Variants in MRPS15 observed in about 807,000 individuals in gnomAD.
MRPS15 encodes mitochondrial ribosomal protein S15.
In MRPS15, 25 loss-of-function variants were observed where a neutral mutation model predicts 30.7. That is an observed-to-expected ratio of 0.81 (90% CI 0.59 to 1.14). The LOEUF is 1.14. Among genes scored for constraint, MRPS15 ranks in the 50% most tolerant of loss-of-function variants. The probability of loss-of-function intolerance (pLI) is 0.00; values close to 1 mark genes in which losing one functional copy is unlikely to be tolerated. For synonymous variants in MRPS15, 124 were observed against 120.1 expected, an observed-to-expected ratio of 1.03 and a Z score of -0.21; for missense variants, 313 against 321.7, an observed-to-expected ratio of 0.97 and a Z score of 0.21.
intron 1 of MRPS15, 79 bp downstream of exon 1, chr1:36,464,067 T>A: frequency 6.4e-7 from 1 of 1,573,440 alleles, no homozygotes; most frequent in South Asian, 1.2e-5. Context: ...ATATCTCCCC[T>A]ACTCCTGTGC....
intron 2 of MRPS15, among the ~76,000 whole-genome samples, chr1:36,462,960 ATTTC>A (rs753949666): frequency 1.5e-4 from 23 of 148,696 alleles, no homozygotes; most frequent in African/African-American, 5.2e-4. Context: ...CCAGCCAATA[ATTTC>A]TTTCTTTTTT....
intron 3 of MRPS15, 58 bp from the exon 4 acceptor site, chr1:36,461,370 C>T: frequency 1.3e-6 from 2 of 1,498,212 alleles, no homozygotes; most frequent in Admixed American, 1.7e-5. Context: ...GAAAGCAATG[C>T]TGGTTTCATT....
intron 3 of MRPS15, among the ~76,000 whole-genome samples, 175 bp from the exon 4 acceptor site, chr1:36,461,487 T>C (rs998598362): frequency 6.6e-6 from 1 of 152,198 alleles, no homozygotes; most frequent in African/African-American, 2.4e-5. Flanking sequence ...TGGATCTGGC[T>C]TGCTGGGCTG....
chr1:36,463,840 G>C lies in MRPS15; in HGVS notation c.141C>G (p.Leu47=). The change falls in exon 2 of 8, where the codon CTC becomes CTG. Residue 47 remains leucine, a synonymous_variant. Coordinates refer to ENST00000373116, the MANE Select transcript of MRPS15 (RefSeq NM_031280.4). ...GGACGACATATCCGCGCGCGGCCTG[G>C]AGGAGGAGACCTACGCAGAAAAGAG... The part of the protein sequence containing the change: ...QWGLQPRSLL[L]QAARGYVVRK... 2 of 1,612,618 alleles carry C rather than the reference G, an allele frequency of 1.2e-6. No homozygotes were observed. The highest frequency in any genetic ancestry group is 1.3e-5 in the African/African-American group (1 of 74,874).
intron 4 of MRPS15, 90 bp from the exon 5 acceptor site, chr1:36,460,866 T>C (rs898007843): frequency 2.2e-5 from 24 of 1,070,024 alleles, no homozygotes; most frequent in Middle Eastern, 2.0e-4. Context: ...GCTACAGTTA[T>C]AGCAACTAGG....
At position 36,455,742 on chromosome 1, in the gene MRPS15, T is replaced by A; in HGVS notation, c.*46A>T. ...CTTCAGGCCAAAAAGAGCCCCATCA[T>A]CTCTCCTATCATTCTTCAAGACAGA... On this transcript the variant is annotated 3_prime_UTR_variant, in exon 8 of 8. Coordinates refer to ENST00000373116, the MANE Select transcript of MRPS15 (RefSeq NM_031280.4). 6.3e-7 allele frequency: 1 copy of A among 1,597,000 alleles called. No homozygotes were observed. Among genetic ancestry groups the A allele is most frequent in the Non-Finnish European group, 8.5e-7 (1 of 1,173,064 alleles).
intron 4 of MRPS15, 42 bp downstream of exon 4, chr1:36,461,222 G>A (rs1211740969): frequency 6.2e-7 from 1 of 1,604,344 alleles, no homozygotes; most frequent in Non-Finnish European, 8.5e-7. Flanking sequence ...AGTCCCAGAG[G>A]AGAAGACTGC....
In MRPS15 at chr1:36,455,819, G is replaced by C; in HGVS notation, c.743C>G (p.Ala248Gly). ...KRRNPDSPAK[A>G]IPKTLKDSQ Reference sequence around the variant, plus strand: ...GCTGTCTTTGAGTGTCTTTGGTATGGCTTTGGCAGGGCTGTCTGGGTTCCT... The same window carrying C: ...GCTGTCTTTGAGTGTCTTTGGTATGCCTTTGGCAGGGCTGTCTGGGTTCCT... The change falls in exon 8 of 8, where the codon GCC (alanine) becomes GGC (glycine). Residue 248 changes from alanine to glycine, a missense_variant. Coordinates refer to ENST00000373116, the MANE Select transcript of MRPS15 (RefSeq NM_031280.4). The C allele has an allele frequency of 6.2e-7, 1 of 1,614,142 alleles. No homozygotes were observed.
intron 2 of MRPS15, among the ~76,000 whole-genome samples, chr1:36,463,516 C>T (rs1650138861): frequency 6.6e-6 from 1 of 152,212 alleles, no homozygotes; most frequent in Non-Finnish European, 1.5e-5. Flanking sequence ...AGCGCAGACA[C>T]AAAGTGCCAT....
chr1:36,459,307 T>C (rs1307488741), intron 5 of MRPS15: 3 of 151,090 alleles, frequency 2.0e-5, no homozygotes, highest in Admixed American at 6.6e-5. Flanking sequence ...GGTAGGAGAA[T>C]TGCTGGAGCC....
At chr1:36,461,396 A>G in intron 3 of MRPS15, 84 bp from the exon 4 acceptor site, 2 of 1,302,528 alleles carry the variant, frequency 1.5e-6, no homozygotes, top group African/African-American at 2.9e-5. Flanking sequence ...TTGAAAAGCA[A>G]AGATGATTGA....
Position 36,456,359 on chromosome 1 carries a change from T to G in MRPS15, c.464A>C (p.Tyr155Ser), listed in dbSNP as rs372913217. ...KHRKDKAHKR[Y>S]LLMSIDQRKK... ...CCTCTGGTCAATGCTCATTAGCAGA[T>G]AGCGTTTGTGGGCTTTGTCCTGCAA... Residue 155 changes from tyrosine to serine, a missense_variant, in exon 7 of 8, where the codon TAT becomes TCT. Tyr to Ser is a moderately radical substitution (Grantham distance 144). Coordinates refer to ENST00000373116, the MANE Select transcript of MRPS15 (RefSeq NM_031280.4). 5 of 1,610,780 alleles carry G rather than the reference T, an allele frequency of 3.1e-6. No individual in the cohort carries two copies. Among genetic ancestry groups the G allele is most frequent in the South Asian group, 1.1e-5 (1 of 90,810 alleles).
Position 36,455,896 on chromosome 1 carries a change from C to T in MRPS15, c.666G>A (p.Lys222=), listed in dbSNP as rs1446002117. 3 of 1,613,820 alleles carry T rather than the reference C, an allele frequency of 1.9e-6. No homozygotes were observed. Among genetic ancestry groups the T allele is most frequent in the Non-Finnish European group, 2.5e-6 (3 of 1,179,974 alleles). The part of the protein sequence containing the change: ...RVFQETQKLK[K]RRRALKAAAA... Reference sequence around the variant, plus strand: ...CTGCAGCCTTTAAGGCTCTTCTTCGCTTCTTCAGCTTTTGAGTCTCCTGGA... The same window carrying T: ...CTGCAGCCTTTAAGGCTCTTCTTCGTTTCTTCAGCTTTTGAGTCTCCTGGA... Residue 222 remains lysine (K), a synonymous_variant, in exon 8 of 8, where the codon AAG becomes AAA. Coordinates refer to ENST00000373116, the MANE Select transcript of MRPS15 (RefSeq NM_031280.4).
chr1:36,456,273 C>A lies in MRPS15; in HGVS notation c.550G>T (p.Gly184Trp). 6.2e-7 allele frequency: 1 copy of A among 1,614,158 alleles called. No homozygotes were observed. The highest frequency in any genetic ancestry group is 8.5e-7 in the Non-Finnish European group (1 of 1,180,018). Residue 184 changes from glycine to tryptophan, a missense_variant, in exon 7 of 8, where the codon GGG becomes TGG. By Grantham distance (184) the Gly-to-Trp change is radical. Coordinates refer to ENST00000373116, the MANE Select transcript of MRPS15 (RefSeq NM_031280.4). ...GGGAAGGTGTACTCAATTCCCAGCC[C>A]CCAGCATATCTTCTCAAAGACATCA... ...NYDVFEKICW[G>W]LGIEYTFPPL...
intron 5 of MRPS15, 105 bp downstream of exon 5, chr1:36,460,587 C>T: frequency 1.1e-6 from 1 of 871,880 alleles, no homozygotes; most frequent in Non-Finnish European, 1.9e-6. Flanking sequence ...TCATGTCTCT[C>T]CCTTTCCCCA....
Position 36,460,141 on chromosome 1 carries a change from A to G in MRPS15, c.385+551T>C, listed in dbSNP as rs181076646. 8.7e-4 allele frequency among the ~76,000 whole-genome samples: 132 copies of G among 152,222 alleles called. 1 individual carries two copies. Among genetic ancestry groups the G allele is most frequent in the African/African-American group, 3.1e-3 (128 of 41,538 alleles). On this transcript the variant is annotated intron_variant, in intron 5 of 7. Transcript: ENST00000373116. The stretch of plus-strand genomic sequence containing the variant: ...TTCTCCTGCCTCAGCCCCAGTAGCT[A>G]GGACTACAGGCGCCCGCCACCATGC...
chr1:36,460,857 C>A, intron 4 of MRPS15, 81 bp from the exon 5 acceptor site: 1 of 1,193,934 alleles, frequency 8.4e-7, no homozygotes. Flanking sequence ...AGGGCCCTGG[C>A]TACAGTTATA....
Position 36,456,267 on chromosome 1 carries a change from C to A in MRPS15, c.556G>T (p.Gly186Ter), listed in dbSNP as rs200752024. 2.5e-6 allele frequency: 4 copies of A among 1,614,054 alleles called. No homozygotes were observed. The highest frequency in any genetic ancestry group is 3.3e-5 in the Admixed American group (2 of 59,988). The change falls in exon 7 of 8, where the codon GGA (glycine) becomes TGA (stop). Residue 186 changes from glycine to a stop codon, truncating the protein, a stop_gained. Transcript: ENST00000373116. LOFTEE classifies it high-confidence loss of function. ...AGAGGGGGGAAGGTGTACTCAATTC[C>A]CAGCCCCCAGCATATCTTCTCAAAG... ...DVFEKICWGL[G>*]IEYTFPPLYY...
rs749138945 is a variant in MRPS15 at position 36,456,272 on chromosome 1, C to T, written c.551G>A (p.Gly184Glu). 4 of 1,614,152 alleles carry T rather than the reference C, an allele frequency of 2.5e-6. No individual in the cohort carries two copies. The highest frequency in any genetic ancestry group is 3.4e-6 in the Non-Finnish European group (4 of 1,180,022). ...GGGGAAGGTGTACTCAATTCCCAGCCCCCAGCATATCTTCTCAAAGACATC... is the reference window on the plus strand; with the variant it reads ...GGGGAAGGTGTACTCAATTCCCAGCTCCCAGCATATCTTCTCAAAGACATC... ...NYDVFEKICW[G>E]LGIEYTFPPL... is the part of the protein sequence containing the mutation. The change falls in exon 7 of 8, where the codon GGG (glycine) becomes GAG (glutamate). Residue 184 changes from glycine (G) to glutamate (E), a missense_variant. Gly to Glu is a moderately conservative substitution (Grantham distance 98, BLOSUM62 -2). Coordinates refer to ENST00000373116, the MANE Select transcript of MRPS15 (RefSeq NM_031280.4).
Sources: allele counts gnomAD v4.1 joint callset (sites outside exome capture counted in the v4.1 genomes callset), GRCh38; gene constraint gnomAD v4.1.1; transcripts MANE v1.5; gene names NCBI Gene and HGNC (gene_info 2026-07-23, HGNC 2026-07-21).